The following CA10 variants were observed in gnomAD, a reference collection of about 807,000 sequenced individuals.
CA10 encodes carbonic anhydrase-related protein 10.
CA10 carries 14 observed loss-of-function variants against 44.2 expected under a neutral mutation model. The ratio of observed to expected loss-of-function variants is 0.32; its 90% CI spans 0.21 to 0.50. The LOEUF is 0.50. Ranked by LOEUF, CA10 falls within the 20% of genes least tolerant of loss-of-function variation. CA10 has a pLI of 0.99. For missense variants in CA10, 350 were observed against 409.7 expected (o/e 0.85, Z 1.26); for synonymous variants, 159 against 141.6 (o/e 1.12, Z -0.87).
intron 1 of CA10, among the ~76,000 whole-genome samples, chr17:52,076,718 G>C (rs1210694951): frequency 6.6e-6 from 1 of 152,180 alleles, no homozygotes; most frequent in African/African-American, 2.4e-5. Context: ...AGTACTACAA[G>C]AAGTTTATTA....
At chr17:51,786,476 C>T (rs930916268) in intron 3 of CA10, among the ~76,000 whole-genome samples, 20 of 152,084 alleles carry the variant, frequency 1.3e-4, no homozygotes, top group Admixed American at 2.6e-4. Flanking sequence ...CACTTGAGTC[C>T]GGGAGGCAGA....
At chr17:51,822,605 G>C (rs1269325163) in intron 3 of CA10, among the ~76,000 whole-genome samples, 1 of 152,046 alleles carries the variant, frequency 6.6e-6, no homozygotes. Context: ...ATGGAATCTG[G>C]TTTGGTTCAG....
chr17:51,663,856 T>G (rs933641579), intron 4 of CA10, among the ~76,000 whole-genome samples: 5 of 152,234 alleles, frequency 3.3e-5, no homozygotes, highest in African/African-American at 9.6e-5. Context: ...AGTCCATATA[T>G]CATTCACATT....
intron 2 of CA10, among the ~76,000 whole-genome samples, chr17:52,071,622 T>C (rs1278770301): frequency 6.6e-6 from 1 of 152,154 alleles, no homozygotes; most frequent in Non-Finnish European, 1.5e-5. Context: ...TATTCTCACA[T>C]CTGAGCAGTT....
intron 2 of CA10, among the ~76,000 whole-genome samples, chr17:52,070,773 T>C (rs1470193886): frequency 6.6e-6 from 1 of 152,154 alleles, no homozygotes; most frequent in Admixed American, 6.6e-5. Flanking sequence ...AAAGAAAGAA[T>C]GTGACAACAG....
intron 3 of CA10, 100 bp from the exon 4 acceptor site, chr17:51,747,918 A>T (rs1904760850): frequency 2.4e-6 from 2 of 833,700 alleles, no homozygotes; most frequent in South Asian, 1.8e-5. Flanking sequence ...CTTCCTCTTG[A>T]TGGGAAGATG....
At chr17:52,102,421 ATAG>A (rs1988560882) in intron 1 of CA10, among the ~76,000 whole-genome samples, 1 of 152,230 alleles carries the variant, frequency 6.6e-6, no homozygotes, top group East Asian at 1.9e-4. Context: ...GAAGACAGAG[ATAG>A]GCCTTGAAAG....
At chr17:52,009,161 G>A (rs1167791863) in intron 2 of CA10, among the ~76,000 whole-genome samples, 2 of 151,798 alleles carry the variant, frequency 1.3e-5, no homozygotes, top group African/African-American at 4.8e-5. Context: ...TCTTTATAGT[G>A]ACAACTGGAA....
intron 2 of CA10, among the ~76,000 whole-genome samples, chr17:52,060,014 T>G (rs1987339521): frequency 6.6e-6 from 1 of 152,196 alleles, no homozygotes; most frequent in Non-Finnish European, 1.5e-5. Flanking sequence ...AAGATCAATC[T>G]CTAGCCTTGT....
At chr17:52,051,425 T>G (rs1258251265) in intron 2 of CA10, among the ~76,000 whole-genome samples, 4 of 151,144 alleles carry the variant, frequency 2.6e-5, no homozygotes, top group African/African-American at 9.8e-5. Flanking sequence ...ATATCCAGCA[T>G]TTATAGATAA....
rs1328215586 is a variant in CA10, at chr17:51,747,736, G to A, written c.362C>T (p.Pro121Leu). 6.2e-7 allele frequency: 1 copy of A among 1,614,122 alleles called. No homozygotes were observed. Among genetic ancestry groups the A allele is most frequent in the Non-Finnish European group, 8.5e-7 (1 of 1,179,984 alleles). The change falls in exon 4 of 9, where the codon CCC (proline) becomes CTC (leucine). Residue 121 changes from proline (P) to leucine (L), a missense_variant. Pro to Leu is a moderately conservative substitution (Grantham distance 98, BLOSUM62 -3). Transcript: ENST00000451037. ...CTCCAGCCGGTGGCTGTATGTCATG[G>A]GCCCTCCAGATATGTTGACCAAGTG... ...KEHLVNISGG[P>L]MTYSHRLEEI...
chr17:52,058,070 C>G (rs1391667613), intron 2 of CA10, among the ~76,000 whole-genome samples: 3 of 152,038 alleles, frequency 2.0e-5, no homozygotes, highest in Non-Finnish European at 4.4e-5. Flanking sequence ...GACCCAAACC[C>G]TCTCAGTGCT....
At chr17:51,994,913 G>T (rs976007773) in intron 2 of CA10, among the ~76,000 whole-genome samples, 2 of 151,902 alleles carry the variant, frequency 1.3e-5, no homozygotes, top group Non-Finnish European at 1.5e-5. Context: ...AATAAGATGG[G>T]CCAGAAACCC....
intron 3 of CA10, among the ~76,000 whole-genome samples, chr17:51,797,750 C>T (rs1906769008): frequency 6.9e-6 from 1 of 145,770 alleles, no homozygotes; most frequent in Non-Finnish European, 1.5e-5. Context: ...GCTACTCAGG[C>T]TGAGGCAGGA....
chr17:52,006,035 C>T (rs906667273), intron 2 of CA10, among the ~76,000 whole-genome samples: 2 of 151,718 alleles, frequency 1.3e-5, no homozygotes, highest in South Asian at 2.1e-4. Context: ...AACTTTTATC[C>T]CATGTAATTG....
chr17:52,087,169 C>G (rs1988137514), intron 1 of CA10, among the ~76,000 whole-genome samples: 1 of 152,178 alleles, frequency 6.6e-6, no homozygotes, highest in South Asian at 2.1e-4. Flanking sequence ...GAGACAAAGT[C>G]TTGCTTTGTT....
At chr17:52,016,588 C>T (rs207476447) in intron 2 of CA10, among the ~76,000 whole-genome samples, 1 of 152,020 alleles carries the variant, frequency 6.6e-6, no homozygotes, top group Admixed American at 6.6e-5. Flanking sequence ...AGTGAGTTCT[C>T]ACTCTGAGTG....
intron 1 of CA10, among the ~76,000 whole-genome samples, chr17:52,120,689 G>A (rs1988997749): frequency 6.6e-6 from 1 of 152,134 alleles, no homozygotes; most frequent in African/African-American, 2.4e-5. Flanking sequence ...AGGGACTGGT[G>A]GCCCATGTGC....
intron 1 of CA10, among the ~76,000 whole-genome samples, chr17:52,101,492 C>T (rs1454209404): frequency 1.3e-5 from 2 of 152,176 alleles, no homozygotes; most frequent in African/African-American, 4.8e-5. Context: ...GCGAGGGCCA[C>T]CACTAGAAAG....
Sources: allele counts gnomAD v4.1 joint callset (sites outside exome capture counted in the v4.1 genomes callset), GRCh38; gene constraint gnomAD v4.1.1; transcripts MANE v1.5; gene names NCBI Gene and HGNC (gene_info 2026-07-23, HGNC 2026-07-21).